The following SLC36A4 variants were observed in gnomAD, a reference collection of about 807,000 sequenced individuals.
The protein encoded by SLC36A4 is neutral amino acid uniporter 4.
Under a neutral mutation model 50.5 loss-of-function variants are expected in SLC36A4, and 49 were observed. The observed-to-expected ratio is 0.97, with a 90% CI of 0.77 to 1.23. SLC36A4 has a LOEUF of 1.23. Among genes scored for constraint, SLC36A4 ranks in the 50% most tolerant of loss-of-function variants. The pLI is 0.00. For synonymous variants in SLC36A4, 207 were observed against 206.5 expected (o/e 1.00, Z -0.02); for missense variants, 611 against 608.4 (o/e 1.00, Z -0.05).
intron 6 of SLC36A4, among the ~76,000 whole-genome samples, chr11:93,175,921 T>A (rs201004688): frequency 0.027 from 3,275 of 121,352 alleles, 41 homozygotes; most frequent in African/African-American, 0.067. Context: ...AAATGTATAT[T>A]CTGTTGATTT....
chr11:93,167,876 T>C lies in SLC36A4; in HGVS notation c.768+68A>G. 3 of 984,394 alleles carry C rather than the reference T, an allele frequency of 3.0e-6. No individual in the cohort carries two copies. The Admixed American group carries it at 6.9e-5, about 23-fold the overall frequency. The allele number at this position is 984,394 out of a possible 1,614,324, so 61.0% of individuals were successfully genotyped here. On this transcript the variant is annotated intron_variant, in intron 7 of 10. Transcript: ENST00000326402. ...GTCTTTGCATATCATTACTTTTACC[T>C]CCACAGTAAACAAAATTTTACTTAC...
intron 6 of SLC36A4, among the ~76,000 whole-genome samples, chr11:93,172,353 T>A (rs1240910024): frequency 6.6e-6 from 1 of 152,054 alleles, no homozygotes; most frequent in East Asian, 1.9e-4. Flanking sequence ...CACCCATCAA[T>A]GAAGCAGTAT....
chr11:93,156,966 T>C (rs1860393246), intron 9 of SLC36A4, among the ~76,000 whole-genome samples: 1 of 152,190 alleles, frequency 6.6e-6, no homozygotes, highest in Non-Finnish European at 1.5e-5. Context: ...CCAGGGTTTT[T>C]ATAGTCTGGG....
At chr11:93,195,969 GT>G (rs1232124407) in intron 1 of SLC36A4, among the ~76,000 whole-genome samples, 21 of 152,032 alleles carry the variant, frequency 1.4e-4, no homozygotes, top group African/African-American at 4.3e-4. Context: ...TAATTAACTG[GT>G]TATTGTCTTT....
At chr11:93,180,123 TATTG>T (rs1288778835) in intron 6 of SLC36A4, 1 of 957,346 alleles carries the variant, frequency 1.0e-6, no homozygotes, top group Non-Finnish European at 1.2e-6. Context: ...TAATAAATAT[TATTG>T]ATTAAAATAA....
At position 93,186,217 on chromosome 11, in the gene SLC36A4, T is replaced by C. The variant is rs187489603; in HGVS notation, c.56-403A>G. Among the ~76,000 whole-genome samples, 831 of 152,336 alleles carry C rather than the reference T, an allele frequency of 5.5e-3. 7 individuals carry two copies. The highest frequency in any genetic ancestry group is 0.037 in the South Asian group (177 of 4,828). On this transcript the variant is annotated intron_variant, in intron 1 of 10. Coordinates refer to ENST00000326402, the MANE Select transcript of SLC36A4 (RefSeq NM_152313.4). ...ACGTTTTTAAATACTTGATGAAAATTACAAAGTGATTCCAATATTTAAAAT... is the reference window on the plus strand; with the variant it reads ...ACGTTTTTAAATACTTGATGAAAATCACAAAGTGATTCCAATATTTAAAAT...
chr11:93,167,762 A>C (rs1333268044), intron 7 of SLC36A4, among the ~76,000 whole-genome samples, 182 bp downstream of exon 7: 1 of 152,082 alleles, frequency 6.6e-6, no homozygotes, highest in African/African-American at 2.4e-5. Context: ...TTTAATCTCT[A>C]TGTCATATAC....
Position 93,174,465 on chromosome 11 carries a change from C to T in SLC36A4, c.541-6294G>A, listed in dbSNP as rs1861351207. On this transcript the variant is annotated intron_variant, in intron 6 of 10. Coordinates refer to ENST00000326402, the MANE Select transcript of SLC36A4 (RefSeq NM_152313.4). ...TCCTTCTCCTGCCTAATTGCCCTGG[C>T]CAGAACTTCCAACACTATGTTGAAT... Among the ~76,000 whole-genome samples the T allele has an allele frequency of 2.0e-5, 3 of 147,966 alleles. No homozygotes were observed. In the Admixed American group the frequency reaches 2.0e-4, roughly 10 times the overall value.
chr11:93,190,665 T>A (rs577697497), intron 1 of SLC36A4, among the ~76,000 whole-genome samples: 4 of 152,240 alleles, frequency 2.6e-5, no homozygotes. Flanking sequence ...TTATTTACTA[T>A]TTTGATTCTA....
intron 10 of SLC36A4, among the ~76,000 whole-genome samples, chr11:93,149,719 G>A (rs1859991987): frequency 6.6e-6 from 1 of 152,048 alleles, no homozygotes; most frequent in East Asian, 1.9e-4. Context: ...ACACAAATGA[G>A]TATGACAGCT....
intron 6 of SLC36A4, among the ~76,000 whole-genome samples, chr11:93,176,475 A>T (rs887234600): frequency 6.6e-6 from 1 of 151,718 alleles, no homozygotes; most frequent in African/African-American, 2.4e-5. Flanking sequence ...TTATGTGTGA[A>T]TTTGATCCTG....
chr11:93,176,879 AAT>A (rs1861500493), intron 6 of SLC36A4, among the ~76,000 whole-genome samples: 1 of 152,012 alleles, frequency 6.6e-6, no homozygotes, highest in Non-Finnish European at 1.5e-5. Flanking sequence ...GGCTGCCCTT[AAT>A]ATGTTTTCCT....
At chr11:93,186,524 A>G (rs1315451997) in intron 1 of SLC36A4, among the ~76,000 whole-genome samples, 1 of 151,678 alleles carries the variant, frequency 6.6e-6, no homozygotes, top group African/African-American at 2.4e-5. Flanking sequence ...TTTCTTACTT[A>G]ATTTTTTACT....
chr11:93,197,786 T>C lies in SLC36A4; in HGVS notation c.47A>G (p.Glu16Gly), dbSNP rs1156699098. 15 of 1,585,992 alleles carry C rather than the reference T, an allele frequency of 9.5e-6. No homozygotes were observed. The highest frequency in any genetic ancestry group is 6.7e-5 in the South Asian group (6 of 89,394). The change falls in exon 1 of 11, where the codon GAG (glutamate) becomes GGG (glycine). Residue 16 changes from glutamate (E) to glycine (G), a missense_variant. Physicochemically the swap from Glu to Gly is moderately conservative, Grantham distance 98 (BLOSUM62 -2). Coordinates refer to ENST00000326402, the MANE Select transcript of SLC36A4 (RefSeq NM_152313.4). ...TPAAAGAARREELDMDVMRPL... is the reference protein window; with the variant it reads ...TPAAAGAARRGELDMDVMRPL... ...CCACGCACAACACCGACCTAGCTCC[T>C]CGCGCCTCGCCGCCCCGGCAGCCGC...
chr11:93,197,013 G>GA (rs1862457821), intron 1 of SLC36A4, among the ~76,000 whole-genome samples: 1 of 152,212 alleles, frequency 6.6e-6, no homozygotes, highest in African/African-American at 2.4e-5. Flanking sequence ...GCTATTAGAG[G>GA]AATAACAACA....
chr11:93,166,858 A>T (rs1038379032), intron 7 of SLC36A4: 3 of 152,188 alleles, frequency 2.0e-5, no homozygotes, highest in African/African-American at 7.2e-5. Context: ...GAACTGTGTG[A>T]TATACTGGTG....
intron 2 of SLC36A4, 45 bp downstream of exon 2, chr11:93,185,646 A>G (rs1440959872): frequency 1.3e-6 from 2 of 1,506,058 alleles, no homozygotes; most frequent in East Asian, 2.3e-5. Flanking sequence ...TACAAAATAC[A>G]TACTGAATTA....
intron 6 of SLC36A4, among the ~76,000 whole-genome samples, chr11:93,169,074 C>T (rs564507559): frequency 1.3e-5 from 2 of 152,152 alleles, no homozygotes; most frequent in Non-Finnish European, 2.9e-5. Context: ...CTCCTTCAAA[C>T]ACATCAATAT....
chr11:93,158,339 G>A (rs1860459369), intron 9 of SLC36A4, among the ~76,000 whole-genome samples: 3 of 151,942 alleles, frequency 2.0e-5, no homozygotes, highest in Admixed American at 2.0e-4. Flanking sequence ...TTAAAATGTG[G>A]TAATAATATA....
Sources: gnomAD v4.1 joint callset for allele counts (sites outside exome capture counted in the v4.1 genomes callset) on GRCh38, gnomAD v4.1.1 for gene constraint, MANE v1.5 for transcripts, NCBI Gene and HGNC (gene_info 2026-07-23, HGNC 2026-07-21) for gene names.